The following TNNI3K variants were observed in gnomAD, a reference collection of about 807,000 sequenced individuals.
The protein encoded by TNNI3K is TNNI3 interacting kinase, also known as serine/threonine-protein kinase TNNI3K.
A neutral mutation model predicts 114.5 loss-of-function variants in TNNI3K; 140 were observed. That is an observed-to-expected ratio of 1.22 (90% CI 1.07 to 1.41). The LOEUF (loss-of-function observed/expected upper bound fraction) is 1.41, where lower values mean the gene tolerates loss of function less well. Ranked by LOEUF, TNNI3K falls within the 40% of genes most tolerant of loss-of-function variation. The pLI is 0.00. For synonymous variants in TNNI3K, 347 were observed against 347.5 expected (o/e 1.00, Z 0.02); for missense variants, 1,125 against 1,007.6 (o/e 1.12, Z -1.58).
intron 22 of TNNI3K, among the ~76,000 whole-genome samples, 172 bp from the exon 23 acceptor site, chr1:74,491,925 G>C (rs921134632): frequency 6.6e-6 from 1 of 152,180 alleles, no homozygotes; most frequent in African/African-American, 2.4e-5. Context: ...AATTAAGCTA[G>C]GCAGATGTTG....
intron 20 of TNNI3K, among the ~76,000 whole-genome samples, chr1:74,456,921 T>C (rs1210314847): frequency 6.6e-6 from 1 of 152,216 alleles, no homozygotes; most frequent in East Asian, 1.9e-4. Context: ...TTAAAGTACA[T>C]TTAAAGACAC....
chr1:74,511,126 T>C (rs1670194390), intron 23 of TNNI3K, among the ~76,000 whole-genome samples: 1 of 151,954 alleles, frequency 6.6e-6, no homozygotes, highest in South Asian at 2.1e-4. Context: ...GGTGATCACC[T>C]CAGGTGATCC....
At chr1:74,375,986 G>T (rs2100536555) in intron 17 of TNNI3K, 1 of 156,748 alleles carries the variant, frequency 6.4e-6, no homozygotes, top group Non-Finnish European at 1.4e-5. Context: ...ATCTGAGAAG[G>T]ACTCACCGTT....
At chr1:74,457,977 T>C (rs371041973) in intron 20 of TNNI3K, among the ~76,000 whole-genome samples, 8 of 152,218 alleles carry the variant, frequency 5.3e-5, no homozygotes, top group South Asian at 4.1e-4. Context: ...AGTTGACTGG[T>C]GTTCTAAACA....
At chr1:74,525,591 T>C (rs1236117845) in intron 23 of TNNI3K, among the ~76,000 whole-genome samples, 1 of 152,200 alleles carries the variant, frequency 6.6e-6, no homozygotes, top group Non-Finnish European at 1.5e-5. Flanking sequence ...TGTGCCCAAA[T>C]GCCAAGGCTA....
intron 17 of TNNI3K, among the ~76,000 whole-genome samples, chr1:74,425,724 G>A (rs1284250668): frequency 6.6e-6 from 1 of 152,014 alleles, no homozygotes; most frequent in South Asian, 2.1e-4. Flanking sequence ...TGAAATATGG[G>A]GATATTTATT....
chr1:74,495,082 G>C (rs1443778047), intron 23 of TNNI3K, among the ~76,000 whole-genome samples: 2 of 152,144 alleles, frequency 1.3e-5, no homozygotes, highest in East Asian at 3.9e-4. Flanking sequence ...TTTTTGAGAT[G>C]CTCCTTTTGA....
chr1:74,452,368 T>A (rs2100700983), intron 20 of TNNI3K, among the ~76,000 whole-genome samples: 1 of 152,336 alleles, frequency 6.6e-6, no homozygotes, highest in South Asian at 2.1e-4. Flanking sequence ...TTTGATTCTG[T>A]ACTTCAGTGG....
intron 5 of TNNI3K, among the ~76,000 whole-genome samples, chr1:74,278,285 A>T (rs1422888450): frequency 6.6e-6 from 1 of 152,158 alleles, no homozygotes; most frequent in Non-Finnish European, 1.5e-5. Flanking sequence ...ATAATAGTTA[A>T]TGCTTTGAAT....
At chr1:74,541,868 T>C (rs1646730714) in intron 24 of TNNI3K, among the ~76,000 whole-genome samples, 1 of 152,230 alleles carries the variant, frequency 6.6e-6, no homozygotes, top group African/African-American at 2.4e-5. Flanking sequence ...TTGCCCTTTA[T>C]TCTATTTCAT....
intron 23 of TNNI3K, among the ~76,000 whole-genome samples, chr1:74,525,634 T>C (rs1646494293): frequency 6.6e-6 from 1 of 152,224 alleles, no homozygotes; most frequent in Non-Finnish European, 1.5e-5. Context: ...GCTCCTAGTC[T>C]GAAGGAGTGT....
At chr1:74,452,135 T>C (rs1359703220) in intron 20 of TNNI3K, among the ~76,000 whole-genome samples, 1 of 152,158 alleles carries the variant, frequency 6.6e-6, no homozygotes. Flanking sequence ...ATTACTAACA[T>C]CAGTTCACTT....
At chr1:74,433,093 C>T (rs1266328427) in intron 17 of TNNI3K, among the ~76,000 whole-genome samples, 3 of 152,042 alleles carry the variant, frequency 2.0e-5, no homozygotes, top group African/African-American at 7.2e-5. Context: ...TGTCACTGCT[C>T]CCACATTCCC....
chr1:74,372,524 G>C (rs1191786288), intron 17 of TNNI3K: 1 of 151,802 alleles, frequency 6.6e-6, no homozygotes, highest in Admixed American at 6.6e-5. Context: ...TTAGCTATTA[G>C]TTCTTTACCT....
At chr1:74,252,486 G>C (rs887966744) in intron 4 of TNNI3K, among the ~76,000 whole-genome samples, 11 of 152,200 alleles carry the variant, frequency 7.2e-5, no homozygotes, top group Non-Finnish European at 4.4e-5. Flanking sequence ...TAAAGTAGTT[G>C]TGTGTCCAGA....
At position 74,354,233 on chromosome 1, in the gene TNNI3K, C is replaced by T. The variant is rs957453250; in HGVS notation, c.1177+104C>T. ...TTTGCTTGCATGACTTGAACACTCT[C>T]ATTTCTTCTGTAGATTTTACTTGAG... On this transcript the variant is annotated intron_variant, in intron 11 of 24. Coordinates refer to ENST00000326637, the MANE Select transcript of TNNI3K (RefSeq NM_015978.3). 9 of 1,527,678 alleles carry T rather than the reference C, an allele frequency of 5.9e-6. No homozygotes were observed. The East Asian group carries it at 6.8e-5, about 12-fold the overall frequency. The allele number at this position is 1,527,678 out of a possible 1,614,324, so 94.6% of individuals were successfully genotyped here. A position where few individuals can be genotyped will look rare whatever the true frequency, so the allele number is the denominator to read the frequency against.
chr1:74,401,392 G>T (rs1664357116), intron 17 of TNNI3K, among the ~76,000 whole-genome samples: 1 of 152,100 alleles, frequency 6.6e-6, no homozygotes, highest in African/African-American at 2.4e-5. Context: ...TCAGACCATT[G>T]TTATTTACAA....
intron 23 of TNNI3K, among the ~76,000 whole-genome samples, chr1:74,509,679 A>G (rs11210466): frequency 0.011 from 1,697 of 151,096 alleles, 44 homozygotes; most frequent in East Asian, 0.072. Flanking sequence ...ATGTTAAGGA[A>G]TAGAGTGTTG....
intron 21 of TNNI3K, among the ~76,000 whole-genome samples, chr1:74,465,301 A>C (rs2100725711): frequency 6.6e-6 from 1 of 152,324 alleles, no homozygotes; most frequent in East Asian, 1.9e-4. Context: ...GGAGGTAACC[A>C]GCTGGCGCTC....
Sources: allele counts gnomAD v4.1 joint callset (sites outside exome capture counted in the v4.1 genomes callset), GRCh38; gene constraint gnomAD v4.1.1; transcripts MANE v1.5; gene names NCBI Gene and HGNC (gene_info 2026-07-23, HGNC 2026-07-21).